The following ITM2B variants were observed in gnomAD, a reference collection of about 807,000 sequenced individuals.
The protein encoded by ITM2B is ABri/ADan amyloid peptide.
In ITM2B, 11 loss-of-function variants were observed where a neutral mutation model predicts 27.8. That is an observed-to-expected ratio of 0.40 (90% confidence interval 0.25 to 0.66). The LOEUF (loss-of-function observed/expected upper bound fraction) is 0.66. ITM2B is among the 30% of genes least tolerant of loss of function. The pLI, the probability that ITM2B is intolerant of heterozygous loss-of-function variation, is 0.43. For synonymous variants in ITM2B, 114 were observed against 114.3 expected (o/e 1.00, Z 0.02); for missense variants, 296 against 328.9 (o/e 0.90, Z 0.77).
rs9332265 is a variant in ITM2B at position 48,247,241 on chromosome 13, A to G, written c.118-6567A>G. 2.6e-4 allele frequency among the ~76,000 whole-genome samples: 39 copies of G among 152,266 alleles called. No homozygotes were observed. In the South Asian group the frequency reaches 7.7e-3, roughly 30 times the overall value. ...CAACACATCTGTGGGCAGCTGTCCT[A>G]TGCACCCCCATATTTACCTATGTTA... On this transcript the variant is annotated intron_variant, in intron 1 of 5. Coordinates refer to ENST00000647800, the MANE Select transcript of ITM2B (RefSeq NM_021999.5).
intron 5 of ITM2B, among the ~76,000 whole-genome samples, chr13:48,259,545 A>G (rs1225817251): frequency 6.6e-6 from 1 of 152,226 alleles, no homozygotes; most frequent in Admixed American, 6.5e-5. Flanking sequence ...GCAGCTGTGG[A>G]AAGTAAGAAG....
In ITM2B at chr13:48,264,615, C is replaced by CAA. The variant is rs1320440799; in HGVS notation, c.*3392_*3393insAA. 2 of 152,140 alleles carry CAA rather than the reference C, an allele frequency of 1.3e-5. No homozygotes were observed. Among genetic ancestry groups the CAA allele is most frequent in the Admixed American group, 1.3e-4 (2 of 15,276 alleles). 9.4% of individuals were successfully genotyped at this position (152,140 alleles called of 1,614,324 possible). ...GAGTTATATAAATCCTACTCTATTG[C>CAA]ACACTAATCTTTGCATGTTTAACTC... On this transcript the variant is annotated 3_prime_UTR_variant, in exon 6 of 6. Transcript: ENST00000647800.
rs1013392290 is a variant in ITM2B, at chr13:48,265,333, C to G, written c.*4109C>G. On this transcript the variant is annotated 3_prime_UTR_variant, in exon 6 of 6. Coordinates refer to ENST00000647800, the MANE Select transcript of ITM2B (RefSeq NM_021999.5). Reference sequence around the variant, plus strand: ...AGCAGATGCAAACGCCTTCTTCTTTCCAAACAGTGTGGTCTTATCCCCGTC... The same window carrying G: ...AGCAGATGCAAACGCCTTCTTCTTTGCAAACAGTGTGGTCTTATCCCCGTC... 1.3e-5 allele frequency: 2 copies of G among 152,114 alleles called. No homozygotes were observed. The highest frequency in any genetic ancestry group is 2.9e-5 in the Non-Finnish European group (2 of 68,038). The allele number at this position is 152,114 out of a possible 1,614,324, so 9.4% of individuals were successfully genotyped here.
chr13:48,258,939 C>A lies in ITM2B; in HGVS notation c.707C>A (p.Thr236Asn). 6.2e-7 allele frequency: 1 copy of A among 1,611,846 alleles called. No individual in the cohort carries two copies. Among genetic ancestry groups the A allele is most frequent in the Non-Finnish European group, 8.5e-7 (1 of 1,178,352 alleles). ...KETYKLQRRE[T>N]IKGIQKREAS... ...ACTTACAAACTGCAACGCAGAGAAA[C>A]TATTAAAGGTAATACTTTTTAAATA... is the stretch of plus-strand genomic sequence containing the variant. Residue 236 changes from threonine (T) to asparagine (N), a missense_variant, in exon 5 of 6, where the codon ACT becomes AAT. Coordinates refer to ENST00000647800, the MANE Select transcript of ITM2B (RefSeq NM_021999.5).
rs1951870272 is a variant in ITM2B, at chr13:48,269,210, C to T, written c.*7986C>T. On this transcript the variant is annotated 3_prime_UTR_variant, in exon 6 of 6. Transcript: ENST00000647800. The stretch of plus-strand genomic sequence containing the variant: ...CTTTTTCATAAACCTCACATCAAAT[C>T]CATCAGCCAATCTGGTGTGCTCTAC... 6.6e-6 allele frequency: 1 copy of T among 152,074 alleles called. No homozygotes were observed. Among genetic ancestry groups the T allele is most frequent in the African/African-American group, 2.4e-5 (1 of 41,402 alleles). The allele number at this position is 152,074 out of a possible 1,614,324, so 9.4% of individuals were successfully genotyped here.
At chr13:48,257,990 T>C in intron 3 of ITM2B, 136 bp from the exon 4 acceptor site, 1 of 616,922 alleles carries the variant, frequency 1.6e-6, no homozygotes, top group Non-Finnish European at 3.0e-6. Flanking sequence ...AGCCAAATTC[T>C]GAATTTGTTG....
In ITM2B at chr13:48,260,782, G is replaced by T. The variant is rs550424150; in HGVS notation, c.716-357G>T. ...ATTTTTTTTAAAGTCAGCCTTACAC[G>T]TGCCATGAAATTTACCCTTTTTAGT... On this transcript the variant is annotated intron_variant, in intron 5 of 5. Transcript: ENST00000647800. Among the ~76,000 whole-genome samples the T allele has an allele frequency of 6.6e-5, 10 of 151,974 alleles. No individual in the cohort carries two copies. The East Asian group carries it at 1.9e-3, about 29-fold the overall frequency.
intron 1 of ITM2B, among the ~76,000 whole-genome samples, chr13:48,235,292 A>G (rs1032327149): frequency 1.3e-5 from 2 of 152,202 alleles, no homozygotes; most frequent in Admixed American, 1.3e-4. Context: ...TTTTGTGGTC[A>G]TTGCAGCTAT....
At chr13:48,250,923 C>CT (rs1189308223) in intron 1 of ITM2B, among the ~76,000 whole-genome samples, 5 of 152,160 alleles carry the variant, frequency 3.3e-5, no homozygotes, top group African/African-American at 1.2e-4. Flanking sequence ...ACCAAAGACT[C>CT]TTGTTTATTT....
chr13:48,256,279 GA>G lies in ITM2B; in HGVS notation c.353del (p.Asn118IlefsTer40). Reference protein sequence around the residue: ...APAALYQTIEENIKIFEEEEV... With the variant: ...APAALYQTIEXNIKIFEEEEV... ...AGCTGCTCTCTACCAGACAATTGAA[GA>G]AAATATTAAAATCTTTGAAGAAGAA... On this transcript the variant is annotated frameshift_variant, in exon 3 of 6. Coordinates refer to ENST00000647800, the MANE Select transcript of ITM2B (RefSeq NM_021999.5). LOFTEE classifies it high-confidence loss of function. 6.2e-7 allele frequency: 1 copy of G among 1,613,772 alleles called. No homozygotes were observed. The highest frequency in any genetic ancestry group is 8.5e-7 in the Non-Finnish European group (1 of 1,179,748).
At chr13:48,254,031 G>A (rs565763566) in intron 2 of ITM2B, 95 bp downstream of exon 2, 101 of 1,233,430 alleles carry the variant, frequency 8.2e-5, no homozygotes, top group South Asian at 5.6e-4. Flanking sequence ...CGCTAAGCTT[G>A]TACTTTTTAT....
At chr13:48,239,213 T>C (rs1951685753) in intron 1 of ITM2B, among the ~76,000 whole-genome samples, 1 of 152,218 alleles carries the variant, frequency 6.6e-6, no homozygotes, top group African/African-American at 2.4e-5. Context: ...ACATAAAATT[T>C]CCTGTCTATC....
At chr13:48,238,395 T>C (rs969406617) in intron 1 of ITM2B, among the ~76,000 whole-genome samples, 6 of 152,136 alleles carry the variant, frequency 3.9e-5, no homozygotes, top group African/African-American at 1.4e-4. Flanking sequence ...TAATTGTACT[T>C]GGGGAAAAAT....
At position 48,233,252 on chromosome 13, in the gene ITM2B, C is replaced by T. The variant is rs1951645168; in HGVS notation, c.-109C>T. 1.6e-6 allele frequency: 1 copy of T among 638,856 alleles called. No individual in the cohort carries two copies. Among genetic ancestry groups the T allele is most frequent in the Non-Finnish European group, 2.6e-6 (1 of 388,024 alleles). The allele number at this position is 638,856 out of a possible 1,614,324, so 39.6% of individuals were successfully genotyped here. On this transcript the variant is annotated 5_prime_UTR_variant, in exon 1 of 6. Coordinates refer to ENST00000647800, the MANE Select transcript of ITM2B (RefSeq NM_021999.5). ...GGAGCTTCCCGAACCTCTTCAGCCG[C>T]CCGGAGCCGCTCCCGGAGCCCGGCC...
At chr13:48,258,976 G>T in intron 5 of ITM2B, 29 bp downstream of exon 5, 1 of 1,578,372 alleles carries the variant, frequency 6.3e-7, no homozygotes, top group South Asian at 1.1e-5. Context: ...TAAAGTGTTG[G>T]GCAGAAAAGT....
chr13:48,243,536 T>C (rs116217701), intron 1 of ITM2B, among the ~76,000 whole-genome samples: 3,259 of 152,200 alleles, frequency 0.021, 115 homozygotes, highest in African/African-American at 0.073. Flanking sequence ...ACAGTAGAAA[T>C]TCATGCTGTG....
intron 1 of ITM2B, among the ~76,000 whole-genome samples, chr13:48,241,479 T>C (rs1034328234): frequency 2.6e-5 from 4 of 152,212 alleles, no homozygotes; most frequent in African/African-American, 9.6e-5. Flanking sequence ...CTCAAAGTGC[T>C]GGGATTACAG....
At chr13:48,243,621 C>T (rs557067519) in intron 1 of ITM2B, among the ~76,000 whole-genome samples, 3 of 151,816 alleles carry the variant, frequency 2.0e-5, no homozygotes, top group Admixed American at 1.3e-4. Context: ...TTAAGAACAG[C>T]CTGGGCAACA....
intron 1 of ITM2B, among the ~76,000 whole-genome samples, chr13:48,237,327 A>G (rs996021849): frequency 3.9e-5 from 6 of 152,206 alleles, no homozygotes; most frequent in African/African-American, 1.4e-4. Flanking sequence ...GAGGATATTA[A>G]TATCTGAATT....
Sources: allele counts gnomAD v4.1 joint callset (sites outside exome capture counted in the v4.1 genomes callset), GRCh38; gene constraint gnomAD v4.1.1; transcripts MANE v1.5; gene names NCBI Gene and HGNC (gene_info 2026-07-23, HGNC 2026-07-21).